The following GRIP2 variants were observed in gnomAD, a reference collection of about 807,000 sequenced individuals.
GRIP2 encodes the protein glutamate receptor-interacting protein 2.
Under a neutral mutation model 108.3 loss-of-function variants are expected in GRIP2, and 58 were observed. That is an observed-to-expected ratio of 0.54 (90% CI 0.43 to 0.67). The LOEUF is 0.67. GRIP2 is among the 30% of genes least tolerant of loss of function. GRIP2 has a pLI of 0.00. For missense variants in GRIP2, 1,278 were observed against 1,430.6 expected (o/e 0.89, Z 1.72); for synonymous variants, 586 against 598.2 (o/e 0.98, Z 0.30).
At chr3:14,581,326 C>A in the GRIP2 span, among the ~76,000 whole-genome samples, 7 of 152,224 alleles carry the variant, frequency 4.6e-5, no homozygotes, top group African/African-American at 1.7e-4. Context: ...TCTGGGGAGA[C>A]CCCCTCCCTT....
upstream of GRIP2, among the ~76,000 whole-genome samples, chr3:14,544,976 C>T (rs1019004108): frequency 2.6e-5 from 4 of 152,184 alleles, no homozygotes. Context: ...GGAGGAGCTT[C>T]AGGAGTAGTG....
chr3:14,495,883 C>T (rs1228876123), intron 22 of GRIP2, among the ~76,000 whole-genome samples: 1 of 152,134 alleles, frequency 6.6e-6, no homozygotes, highest in Non-Finnish European at 1.5e-5. Flanking sequence ...CAGTGGCTCA[C>T]ACATGTAATC....
chr3:14,515,159 G>A lies in GRIP2; in HGVS notation c.1307-681C>T, dbSNP rs144021031. 9.3e-3 allele frequency among the ~76,000 whole-genome samples: 1,411 copies of A among 152,312 alleles called. 33 individuals carry two copies. The highest frequency in any genetic ancestry group is 0.033 in the African/African-American group (1,359 of 41,560). On this transcript the variant is annotated intron_variant, in intron 11 of 23. Transcript: ENST00000621039. ...TTTCAAGTTCATCCACATTTTGCAG[G>A]TGTCAGAATTGCATTCCTTTTTGTG...
chr3:14,591,331 G>T, the GRIP2 span, among the ~76,000 whole-genome samples: 3 of 152,152 alleles, frequency 2.0e-5, no homozygotes, highest in Non-Finnish European at 2.9e-5. Flanking sequence ...ACTTCCAGGA[G>T]AAGCTGCCTG....
chr3:14,503,645 T>A lies in GRIP2; in HGVS notation c.2600A>T (p.Glu867Val). The change falls in exon 21 of 24, where the codon GAG (glutamate) becomes GTG (valine). Residue 867 changes from glutamate (E) to valine (V), a missense_variant. Coordinates refer to ENST00000621039, the MANE Select transcript of GRIP2 (RefSeq NM_001080423.4). ...TSPAPGPARE[E>V]GFWRMFGEAL... Reference sequence around the variant, plus strand: ...TTCTCCAAACATGCGCCAGAAGCCCTCCTCTCGGGCAGGGCCAGGGGCTGG... The same window carrying A: ...TTCTCCAAACATGCGCCAGAAGCCCACCTCTCGGGCAGGGCCAGGGGCTGG... 6.9e-7 allele frequency: 1 copy of A among 1,446,180 alleles called. No homozygotes were observed. Among genetic ancestry groups the A allele is most frequent in the Non-Finnish European group, 9.3e-7 (1 of 1,080,372 alleles). The allele number at this position is 1,446,180 out of a possible 1,614,324, so 89.6% of individuals were successfully genotyped here.
chr3:14,576,114 G>A, the GRIP2 span, among the ~76,000 whole-genome samples: 1 of 152,244 alleles, frequency 6.6e-6, no homozygotes, highest in African/African-American at 2.4e-5. Flanking sequence ...GCAGGCAGCA[G>A]CTCCAGGAGT....
At chr3:14,519,707 C>T (rs1165497849) in intron 9 of GRIP2, among the ~76,000 whole-genome samples, 2 of 152,142 alleles carry the variant, frequency 1.3e-5, no homozygotes, top group African/African-American at 2.4e-5. Context: ...CCTGACTCTT[C>T]AAAGGAGAAA....
the GRIP2 span, among the ~76,000 whole-genome samples, chr3:14,585,155 C>T: frequency 5.3e-5 from 8 of 152,228 alleles, no homozygotes; most frequent in East Asian, 1.9e-4. Context: ...CCCGAGTAGC[C>T]GGGACTACAC....
At chr3:14,546,267 A>T (rs1695056304), upstream of GRIP2, among the ~76,000 whole-genome samples, 1 of 152,138 alleles carries the variant, frequency 6.6e-6, no homozygotes, top group East Asian at 1.9e-4. Flanking sequence ...GGTGCAGCTA[A>T]CGCACAGAGA....
At chr3:14,582,155 C>A in the GRIP2 span, among the ~76,000 whole-genome samples, 2 of 152,334 alleles carry the variant, frequency 1.3e-5, no homozygotes, top group South Asian at 4.1e-4. Context: ...AGCTCCACTG[C>A]CATGCAAATG....
chr3:14,543,272 G>A (rs769338658), upstream of GRIP2, among the ~76,000 whole-genome samples: 4 of 152,326 alleles, frequency 2.6e-5, no homozygotes, highest in African/African-American at 9.6e-5. Context: ...CTCGGGCCCC[G>A]CCCAGGCCCG....
the GRIP2 span, among the ~76,000 whole-genome samples, chr3:14,600,376 C>A: frequency 6.6e-6 from 1 of 152,204 alleles, no homozygotes; most frequent in Non-Finnish European, 1.5e-5. Context: ...GCCCCTCCAA[C>A]TTTACAGGTG....
At chr3:14,554,432 A>G (rs1404141032) in intron 1 of GRIP2, among the ~76,000 whole-genome samples, 1 of 140,956 alleles carries the variant, frequency 7.1e-6, no homozygotes, top group Non-Finnish European at 1.5e-5. Flanking sequence ...ACCTGAACAG[A>G]GGACAGCAGC....
rs547311414 is a variant in GRIP2, at chr3:14,539,257, T to C, written c.40+1012A>G. 3.9e-4 allele frequency among the ~76,000 whole-genome samples: 59 copies of C among 152,296 alleles called. No individual in the cohort carries two copies. The South Asian group carries it at 0.012, about 31-fold the overall frequency. ...TGCACAGAAAGCTTAGAAAAGAGCC[T>C]GGCCCAGAGGAAGCTCTCGACAACA... On this transcript the variant is annotated intron_variant, in intron 1 of 23. Coordinates refer to ENST00000621039, the MANE Select transcript of GRIP2 (RefSeq NM_001080423.4).
chr3:14,534,172 G>T (rs1186184452), intron 1 of GRIP2, among the ~76,000 whole-genome samples: 1 of 152,198 alleles, frequency 6.6e-6, no homozygotes, highest in Non-Finnish European at 1.5e-5. Context: ...CCTCAGATGG[G>T]GGGGAACTGA....
At chr3:14,564,080 C>A in the GRIP2 span, among the ~76,000 whole-genome samples, 1 of 152,336 alleles carries the variant, frequency 6.6e-6, no homozygotes, top group African/African-American at 2.4e-5. Flanking sequence ...GCTCATCCAT[C>A]TGATGGCTCC....
intron 21 of GRIP2, among the ~76,000 whole-genome samples, chr3:14,496,769 C>T (rs1693617835): frequency 6.6e-6 from 1 of 152,256 alleles, no homozygotes; most frequent in Non-Finnish European, 1.5e-5. Context: ...TAATCACTGG[C>T]ACGTAATCAT....
chr3:14,601,573 T>TA, the GRIP2 span, among the ~76,000 whole-genome samples: 1 of 152,310 alleles, frequency 6.6e-6, no homozygotes, highest in East Asian at 1.9e-4. Flanking sequence ...GGCACACCTA[T>TA]AGGCCCACCA....
Position 14,540,264 on chromosome 3 carries a change from C to T in GRIP2, c.40+5G>A, listed in dbSNP as rs757294050. Reference sequence around the variant, plus strand: ...CACTCTGCCCACAGACCCCCCATTACGTACCCGCCTCTCCAGGGGTCTCCC... The same window carrying T: ...CACTCTGCCCACAGACCCCCCATTATGTACCCGCCTCTCCAGGGGTCTCCC... On this transcript the variant is annotated splice_donor_5th_base_variant and intron_variant, in intron 1 of 23. Coordinates refer to ENST00000621039, the MANE Select transcript of GRIP2 (RefSeq NM_001080423.4). This position sits in a 1 kb window ranked among gnomAD's most constrained non-coding sequence, Gnocchi z 4.1. 17 of 1,613,272 alleles carry T rather than the reference C, an allele frequency of 1.1e-5. No homozygotes were observed. Among genetic ancestry groups the T allele is most frequent in the Admixed American group, 8.3e-5 (5 of 59,942 alleles).
Sources: allele counts gnomAD v4.1 joint callset (sites outside exome capture counted in the v4.1 genomes callset), GRCh38; gene constraint gnomAD v4.1.1; non-coding constraint Gnocchi (gnomAD v3.1); transcripts MANE v1.5; gene names NCBI Gene and HGNC (gene_info 2026-07-23, HGNC 2026-07-21).